The following GRM4 variants were observed in gnomAD, a reference collection of about 807,000 sequenced individuals.
GRM4 encodes metabotropic glutamate receptor 4.
GRM4 carries 28 observed loss-of-function variants against 81.7 expected under a neutral mutation model. The ratio of observed to expected loss-of-function variants is 0.34; its 90% CI spans 0.25 to 0.47. GRM4 has a LOEUF of 0.47. Ranked by LOEUF, GRM4 falls within the 20% of genes least tolerant of loss-of-function variation. The pLI, the probability that GRM4 is intolerant of heterozygous loss-of-function variation, is 1.00. For missense variants in GRM4, 948 were observed against 1,290.0 expected (o/e 0.73, Z 4.06); for synonymous variants, 488 against 528.8 (o/e 0.92, Z 1.06).
In GRM4 at chr6:34,019,289, A is replaced by G. The variant is rs1302294857; in HGVS notation, c.*3532T>C. ...TCCCCAGGGTCCTAGGAGTTCCACA[A>G]AGGTGCCCTGTGCATCCAGCTGGCC... On this transcript the variant is annotated 3_prime_UTR_variant, in exon 11 of 11. Coordinates refer to ENST00000538487, the MANE Select transcript of GRM4 (RefSeq NM_000841.4). The G allele has an allele frequency of 6.6e-6, 1 of 152,268 alleles. No individual in the cohort carries two copies. Among genetic ancestry groups the G allele is most frequent in the Non-Finnish European group, 1.5e-5 (1 of 68,074 alleles). 9.4% of individuals were successfully genotyped at this position (152,268 alleles called of 1,614,324 possible).
chr6:34,067,486 C>T (rs1766541021), intron 3 of GRM4, among the ~76,000 whole-genome samples: 1 of 140,236 alleles, frequency 7.1e-6, no homozygotes, highest in Non-Finnish European at 1.6e-5. Flanking sequence ...CCCTCTCTTC[C>T]TTCCTTTCTT....
chr6:34,022,807 G>T lies in GRM4; in HGVS notation c.*14C>A. 6.2e-7 allele frequency: 1 copy of T among 1,610,976 alleles called. No homozygotes were observed. The highest frequency in any genetic ancestry group is 8.5e-7 in the Non-Finnish European group (1 of 1,177,124). ...TCACGGCTCCTCCTCCTGCTGCTCA[G>T]CTCCATGGACTCGCTAGATTGCATG... On this transcript the variant is annotated 3_prime_UTR_variant, in exon 11 of 11. Transcript: ENST00000538487. This position sits in a 1 kb window ranked among gnomAD's most constrained non-coding sequence, Gnocchi z 5.6.
intron 3 of GRM4, among the ~76,000 whole-genome samples, chr6:34,072,882 C>G (rs1433669597): frequency 1.7e-5 from 2 of 118,030 alleles, no homozygotes; most frequent in African/African-American, 3.2e-5. Context: ...CACACCCACA[C>G]ATCATCACAC....
At chr6:34,124,868 G>A (rs1011901138) in intron 2 of GRM4, among the ~76,000 whole-genome samples, 31 of 151,992 alleles carry the variant, frequency 2.0e-4, no homozygotes, top group African/African-American at 7.0e-4. Flanking sequence ...CTTCACCTCA[G>A]CCCTTCCATA....
chr6:34,064,720 C>T lies in GRM4; in HGVS notation c.737-2692G>A, dbSNP rs1185911330. 1.3e-5 allele frequency among the ~76,000 whole-genome samples: 2 copies of T among 152,190 alleles called. No homozygotes were observed. The highest frequency in any genetic ancestry group is 4.8e-5 in the African/African-American group (2 of 41,432). The stretch of plus-strand genomic sequence containing the variant: ...CTCCTGGCAGTGGCACAATCTCTGC[C>T]TCAACTGCTCTCTTGGTGCCTGCTG... On this transcript the variant is annotated intron_variant, in intron 3 of 10. Transcript: ENST00000538487. This position sits in a 1 kb window ranked among gnomAD's most constrained non-coding sequence, Gnocchi z 4.4.
intron 5 of GRM4, 68 bp from the exon 6 acceptor site, chr6:34,056,752 T>TC: frequency 6.5e-7 from 1 of 1,528,906 alleles, no homozygotes; most frequent in Non-Finnish European, 8.9e-7. Flanking sequence ...CCTCCCCGCC[T>TC]CCCCCAGGAT....
intron 3 of GRM4, among the ~76,000 whole-genome samples, chr6:34,066,090 C>A (rs1035266131): frequency 6.6e-6 from 1 of 152,144 alleles, no homozygotes; most frequent in Non-Finnish European, 1.5e-5. Flanking sequence ...CAGCTGGACA[C>A]CTGATCAAGG....
Position 34,036,579 on chromosome 6 carries a change from T to C in GRM4, c.1531A>G (p.Ser511Gly), listed in dbSNP as rs760478216. ...LRIERMHWPG[S>G]GQQLPRSICS... ...ATGGAGCGGGGCAGCTGCTGCCCGCTCCCCGGCCAGTGCATCCGCTCTATC... is the reference window on the plus strand; with the variant it reads ...ATGGAGCGGGGCAGCTGCTGCCCGCCCCCCGGCCAGTGCATCCGCTCTATC... Residue 511 changes from serine to glycine, a missense_variant, in exon 9 of 11, where the codon AGC becomes GGC. Coordinates refer to ENST00000538487, the MANE Select transcript of GRM4 (RefSeq NM_000841.4). The surrounding 1 kb of genome is among the most constrained non-coding windows in gnomAD (Gnocchi z 9.0). 4 of 1,581,664 alleles carry C rather than the reference T, an allele frequency of 2.5e-6. No homozygotes were observed. Among genetic ancestry groups the C allele is most frequent in the Non-Finnish European group, 1.7e-6 (2 of 1,162,462 alleles).
Position 34,059,407 on chromosome 6 carries a change from C to T in GRM4, c.873-279G>A. On this transcript the variant is annotated intron_variant, in intron 4 of 10. Coordinates refer to ENST00000538487, the MANE Select transcript of GRM4 (RefSeq NM_000841.4). This position sits in a 1 kb window ranked among gnomAD's most constrained non-coding sequence, Gnocchi z 5.7. Reference sequence around the variant, plus strand: ...TTCTCCAGGCCTACATCTGTCCCTGCAAAGACCACACCTCTCCCCTCCAGA... The same window carrying T: ...TTCTCCAGGCCTACATCTGTCCCTGTAAAGACCACACCTCTCCCCTCCAGA... 2.1e-6 allele frequency: 1 copy of T among 478,534 alleles called. No individual in the cohort carries two copies. The highest frequency in any genetic ancestry group is 5.8e-4 in the Middle Eastern group (1 of 1,736). 29.6% of individuals were successfully genotyped at this position (478,534 alleles called of 1,614,324 possible).
chr6:34,062,183 G>T, intron 3 of GRM4, 155 bp from the exon 4 acceptor site: 2 of 714,830 alleles, frequency 2.8e-6, no homozygotes, highest in Non-Finnish European at 2.2e-6. Flanking sequence ...GATATGGGCT[G>T]TGCAGTCAGG....
intron 2 of GRM4, among the ~76,000 whole-genome samples, chr6:34,126,166 A>G (rs552738663): frequency 6.6e-6 from 1 of 152,342 alleles, no homozygotes; most frequent in African/African-American, 2.4e-5. Flanking sequence ...GAAAAAAGGT[A>G]GATTCAGGGC....
At chr6:34,081,645 G>A (rs1767600532) in intron 3 of GRM4, among the ~76,000 whole-genome samples, 1 of 152,238 alleles carries the variant, frequency 6.6e-6, no homozygotes, top group Non-Finnish European at 1.5e-5. Context: ...AGAGGGTGGG[G>A]CTGAGAGTGG....
intron 2 of GRM4, among the ~76,000 whole-genome samples, chr6:34,100,725 A>G (rs955621001): frequency 2.0e-5 from 3 of 152,244 alleles, no homozygotes; most frequent in African/African-American, 7.2e-5. Flanking sequence ...ACATTTCAAG[A>G]TCTCTGCCTT....
At chr6:34,132,925 G>T in intron 2 of GRM4, 53 bp downstream of exon 2, 2 of 1,457,368 alleles carry the variant, frequency 1.4e-6, no homozygotes, top group Non-Finnish European at 1.9e-6. Flanking sequence ...GAAGTGGGGC[G>T]GGCAGAGTCC....
intron 2 of GRM4, among the ~76,000 whole-genome samples, chr6:34,131,449 A>G (rs1248648029): frequency 6.6e-6 from 1 of 152,226 alleles, no homozygotes; most frequent in Non-Finnish European, 1.5e-5. Context: ...GAAAAGCCCT[A>G]TATTCGAGGC....
In GRM4 at chr6:34,070,802, AC is replaced by A. The variant is rs1766785686; in HGVS notation, c.737-8775del. ...CCGCCACACCCCCAGCCACACACACACACACACACACACACACGGCAATGCA... is the reference window on the plus strand; with the variant it reads ...CCGCCACACCCCCAGCCACACACACAACACACACACACACACGGCAATGCA... On this transcript the variant is annotated intron_variant, in intron 3 of 10. Coordinates refer to ENST00000538487, the MANE Select transcript of GRM4 (RefSeq NM_000841.4). This position sits in a 1 kb window ranked among gnomAD's most constrained non-coding sequence, Gnocchi z 4.6. 3.2e-5 allele frequency among the ~76,000 whole-genome samples: 4 copies of A among 125,096 alleles called. No homozygotes were observed. The highest frequency in any genetic ancestry group is 1.5e-5 in the Non-Finnish European group (1 of 65,036). 82.1% of individuals were successfully genotyped at this position (125,096 alleles called of 152,430 possible).
intron 2 of GRM4, among the ~76,000 whole-genome samples, chr6:34,123,226 G>A (rs917170433): frequency 6.6e-6 from 1 of 152,288 alleles, no homozygotes; most frequent in Non-Finnish European, 1.5e-5. Flanking sequence ...CCCAGCGCCC[G>A]CAGCAGGGCC....
intron 2 of GRM4, chr6:34,101,993 A>AG: frequency 6.5e-7 from 1 of 1,534,482 alleles, no homozygotes; most frequent in Non-Finnish European, 8.7e-7. Context: ...CCTAGTGGCC[A>AG]GGTCAGGGCC....
At chr6:34,145,634 T>C (rs1265243433) in intron 1 of GRM4, among the ~76,000 whole-genome samples, 1 of 151,652 alleles carries the variant, frequency 6.6e-6, no homozygotes, top group Non-Finnish European at 1.5e-5. Flanking sequence ...AGGAAGGCGC[T>C]GAGAGGGGAG....
Sources: allele counts gnomAD v4.1 joint callset (sites outside exome capture counted in the v4.1 genomes callset), GRCh38; gene constraint gnomAD v4.1.1; non-coding constraint Gnocchi (gnomAD v3.1); transcripts MANE v1.5; gene names NCBI Gene and HGNC (gene_info 2026-07-23, HGNC 2026-07-21).